DPP10: variants seen among roughly 807,000 people sequenced by gnomAD.
DPP10 encodes dipeptidyl peptidase like 10, also known as inactive dipeptidyl peptidase 10.
In DPP10, 33 loss-of-function variants were observed where a neutral mutation model predicts 120.9. That is an observed-to-expected ratio of 0.27 (90% CI 0.21 to 0.37). The LOEUF (loss-of-function observed/expected upper bound fraction) is 0.37, where lower values mean the gene tolerates loss of function less well. Among genes scored for constraint, DPP10 ranks in the 10% least tolerant of loss-of-function variants. The pLI, the probability that DPP10 is intolerant of heterozygous loss-of-function variation, is 1.00. For missense variants in DPP10, 816 were observed against 942.8 expected, an observed-to-expected ratio of 0.87 and a Z score of 1.76; for synonymous variants, 337 against 326.1, an observed-to-expected ratio of 1.03 and a Z score of -0.36.
intron 1 of DPP10, among the ~76,000 whole-genome samples, chr2:115,107,714 A>C (rs2049020980): frequency 6.6e-6 from 1 of 152,132 alleles, no homozygotes; most frequent in Non-Finnish European, 1.5e-5. Flanking sequence ...AATTTTGAGA[A>C]AGATAATGAC....
intron 1 of DPP10, among the ~76,000 whole-genome samples, chr2:114,933,908 A>G (rs1408865350): frequency 1.3e-5 from 2 of 152,152 alleles, no homozygotes; most frequent in African/African-American, 2.4e-5. Context: ...CTGAACACAC[A>G]CTGAGAATTG....
At chr2:114,716,509 C>G (rs1461238820) in intron 1 of DPP10, among the ~76,000 whole-genome samples, 2 of 152,156 alleles carry the variant, frequency 1.3e-5, no homozygotes, top group Non-Finnish European at 2.9e-5. Flanking sequence ...GGAAACTGGG[C>G]TTCGTAAAAT....
At chr2:114,848,243 C>A (rs1206221018) in intron 1 of DPP10, among the ~76,000 whole-genome samples, 14 of 152,172 alleles carry the variant, frequency 9.2e-5, no homozygotes. Flanking sequence ...AACTTTAACT[C>A]CCTGTCTGCC....
intron 1 of DPP10, among the ~76,000 whole-genome samples, chr2:115,207,299 T>A (rs565548457): frequency 6.6e-6 from 1 of 152,048 alleles, no homozygotes; most frequent in African/African-American, 2.4e-5. Flanking sequence ...CCAACAGTCT[T>A]GGCAATTAGT....
chr2:115,586,185 G>C (rs1426009940), intron 5 of DPP10, among the ~76,000 whole-genome samples: 1 of 152,108 alleles, frequency 6.6e-6, no homozygotes. Flanking sequence ...AATTAGTGGA[G>C]TATGGTATTG....
chr2:115,365,087 A>G (rs1324488162), intron 3 of DPP10, among the ~76,000 whole-genome samples: 2 of 152,124 alleles, frequency 1.3e-5, no homozygotes, highest in African/African-American at 4.8e-5. Flanking sequence ...TGTTCTTCCA[A>G]TTACTAAGGT....
In DPP10 at chr2:114,666,808, C is replaced by T. The variant is rs1420434405; in HGVS notation, c.60+223970C>T. ...ACTAGGAATGATGACCTGGTCTCAT[C>T]GTAGAAAAAGGCATATGATGGTAAA... On this transcript the variant is annotated intron_variant, in intron 1 of 25. Transcript: ENST00000410059. Among the ~76,000 whole-genome samples the T allele has an allele frequency of 3.3e-5, 5 of 151,996 alleles. No homozygotes were observed. In the South Asian group the frequency reaches 8.3e-4, roughly 25 times the overall value.
At chr2:115,829,622 T>A (rs1430756349) in intron 21 of DPP10, among the ~76,000 whole-genome samples, 1 of 152,182 alleles carries the variant, frequency 6.6e-6, no homozygotes, top group Non-Finnish European at 1.5e-5. Flanking sequence ...GTAGCTTTCA[T>A]CTGAGTCAGA....
chr2:114,827,371 G>T (rs774410539), intron 1 of DPP10, among the ~76,000 whole-genome samples: 2 of 151,896 alleles, frequency 1.3e-5, no homozygotes, highest in Non-Finnish European at 2.9e-5. Flanking sequence ...GTAGGAGAAA[G>T]ACAACTGTAG....
chr2:115,665,582 G>A (rs943654897), intron 5 of DPP10, among the ~76,000 whole-genome samples: 1 of 152,090 alleles, frequency 6.6e-6, no homozygotes, highest in Non-Finnish European at 1.5e-5. Flanking sequence ...GTGTTTCAAT[G>A]GATTGAGAGG....
rs181625672 is a variant in DPP10, at chr2:115,734,090, C to A, written c.698-5649C>A. On this transcript the variant is annotated intron_variant, in intron 8 of 25. Transcript: ENST00000410059. ...ATTCCAGGTAGCTTTATCTTTCCAT[C>A]TGAAGAAAGTCACAAGGCTCTCTAT... Among the ~76,000 whole-genome samples the A allele has an allele frequency of 1.3e-4, 20 of 152,266 alleles. 1 individual carries two copies. In the East Asian group the frequency reaches 3.5e-3, roughly 26 times the overall value.
rs988987262 is a variant in DPP10, at chr2:114,519,033, C to A, written c.60+76195C>A. On this transcript the variant is annotated intron_variant, in intron 1 of 25. Coordinates refer to ENST00000410059, the MANE Select transcript of DPP10 (RefSeq NM_020868.6). ...GAAAAGGTTTGCCTGTGAAAGAGATCGAAGGCCTACTGTCTCTGATGAGTC... is the reference window on the plus strand; with the variant it reads ...GAAAAGGTTTGCCTGTGAAAGAGATAGAAGGCCTACTGTCTCTGATGAGTC... Among the ~76,000 whole-genome samples, 9 of 152,158 alleles carry A rather than the reference C, an allele frequency of 5.9e-5. No individual in the cohort carries two copies. In the East Asian group the frequency reaches 1.7e-3, roughly 29 times the overall value.
At chr2:114,738,061 G>A (rs890703639) in intron 1 of DPP10, among the ~76,000 whole-genome samples, 3 of 152,178 alleles carry the variant, frequency 2.0e-5, no homozygotes, top group Admixed American at 2.0e-4. Flanking sequence ...CATGGCCAGA[G>A]CAGGAGAGAT....
intron 1 of DPP10, among the ~76,000 whole-genome samples, chr2:114,465,118 G>C (rs1362414412): frequency 6.6e-6 from 1 of 152,154 alleles, no homozygotes; most frequent in Non-Finnish European, 1.5e-5. Flanking sequence ...CCTCGGTTCA[G>C]ATTTTGCTCT....
intron 1 of DPP10, among the ~76,000 whole-genome samples, chr2:115,018,321 C>A (rs1309207350): frequency 6.6e-6 from 1 of 152,104 alleles, no homozygotes; most frequent in African/African-American, 2.4e-5. Context: ...GGATCTAGAA[C>A]AAGAAATACC....
intron 19 of DPP10, among the ~76,000 whole-genome samples, chr2:115,810,806 GAGAC>G (rs966227380): frequency 3.7e-4 from 57 of 152,278 alleles, no homozygotes; most frequent in African/African-American, 1.1e-3. Flanking sequence ...AAAGATTTCT[GAGAC>G]AGAGATAAAA....
At chr2:114,948,468 C>T (rs1409022012) in intron 1 of DPP10, among the ~76,000 whole-genome samples, 2 of 152,130 alleles carry the variant, frequency 1.3e-5, no homozygotes, top group African/African-American at 4.8e-5. Context: ...GGTTCATTGT[C>T]TCTGGGAGGT....
intron 1 of DPP10, among the ~76,000 whole-genome samples, chr2:114,807,407 A>G (rs1330602588): frequency 1.3e-5 from 2 of 152,172 alleles, no homozygotes; most frequent in Non-Finnish European, 2.9e-5. Flanking sequence ...TGTTGGGAAC[A>G]TTACAATTCT....
In DPP10 at chr2:114,672,068, T is replaced by C. The variant is rs185963894; in HGVS notation, c.60+229230T>C. Among the ~76,000 whole-genome samples, 1,087 of 152,296 alleles carry C rather than the reference T, an allele frequency of 7.1e-3. 20 individuals carry two copies. The highest frequency in any genetic ancestry group is 0.024 in the African/African-American group (1,008 of 41,578). On this transcript the variant is annotated intron_variant, in intron 1 of 25. Transcript: ENST00000410059. ...TCCTCATGGTGCTATTATGATTTTG[T>C]AAGAAAGAATTGCATATATTTCTTT...
Sources: gnomAD v4.1 joint callset for allele counts (sites outside exome capture counted in the v4.1 genomes callset) on GRCh38, gnomAD v4.1.1 for gene constraint, MANE v1.5 for transcripts, NCBI Gene and HGNC (gene_info 2026-07-23, HGNC 2026-07-21) for gene names.